JCAD: variants seen among roughly 807,000 people sequenced by gnomAD.
JCAD encodes junctional cadherin 5 associated, also known as junctional cadherin 5-associated protein.
JCAD carries 40 observed loss-of-function variants against 98.0 expected under a neutral mutation model. The ratio of observed to expected loss-of-function variants is 0.41; its 90% CI spans 0.32 to 0.53. JCAD has a LOEUF of 0.53. Among genes scored for constraint, JCAD ranks in the 20% least tolerant of loss-of-function variants. JCAD has a pLI of 0.31. For synonymous variants in JCAD, 691 were observed against 682.3 expected (o/e 1.01, Z -0.20); for missense variants, 1,705 against 1,738.1 (o/e 0.98, Z 0.34).
rs749926597 is a variant in JCAD at position 30,047,613 on chromosome 10, C to T, written c.200G>A (p.Ser67Asn). The change falls in exon 2 of 4, where the codon AGT becomes AAT. Residue 67 changes from serine to asparagine, a missense_variant. Physicochemically the swap from Ser to Asn is conservative, Grantham distance 46. Coordinates refer to ENST00000375377, the MANE Select transcript of JCAD (RefSeq NM_020848.4). ...RKTSAGKGHV[S>N]DSESRRSTPR... ...TGTGCTGCGGCGGCTTTCGGAGTCA[C>T]TCACATGTCCTTTCCCCGCGGACGT... 7 of 1,614,082 alleles carry T rather than the reference C, an allele frequency of 4.3e-6. No homozygotes were observed. In the East Asian group the frequency reaches 6.7e-5, roughly 15 times the overall value.
intron 1 of JCAD, among the ~76,000 whole-genome samples, chr10:30,088,489 C>A (rs1312621592): frequency 6.6e-6 from 1 of 152,102 alleles, no homozygotes; most frequent in Non-Finnish European, 1.5e-5. Flanking sequence ...GGTTTTAAAT[C>A]AAGTAGTTTG....
In JCAD at chr10:30,026,592, C is replaced by CT. The variant is rs1341183959; in HGVS notation, c.3555dup (p.Asp1186ArgfsTer5). 6.2e-7 allele frequency: 1 copy of CT among 1,613,900 alleles called. No individual in the cohort carries two copies. The highest frequency in any genetic ancestry group is 1.3e-5 in the African/African-American group (1 of 74,928). ...CTGGGCTCAGGCTCAGGGACAGGGT[C>CT]TGTGCTGGTGACAACCCCGTCCACA... On this transcript the variant is annotated frameshift_variant, in exon 3 of 4. Transcript: ENST00000375377. LOFTEE classifies it high-confidence loss of function.
chr10:30,041,138 T>C (rs1837235322), intron 2 of JCAD, among the ~76,000 whole-genome samples: 1 of 152,008 alleles, frequency 6.6e-6, no homozygotes, highest in African/African-American at 2.4e-5. Flanking sequence ...AAAAGCTACA[T>C]GGGGCACATG....
At chr10:30,038,180 A>AC (rs1837160333) in intron 2 of JCAD, among the ~76,000 whole-genome samples, 1 of 152,136 alleles carries the variant, frequency 6.6e-6, no homozygotes, top group Admixed American at 6.5e-5. Flanking sequence ...CACCGGCCCC[A>AC]CCCCTGGGAC....
At chr10:30,093,440 A>C (rs2132699298) in intron 1 of JCAD, among the ~76,000 whole-genome samples, 1 of 152,354 alleles carries the variant, frequency 6.6e-6, no homozygotes, top group East Asian at 1.9e-4. Flanking sequence ...ATTTCAGTGC[A>C]CATAAGCTGC....
At chr10:30,103,746 T>TC (rs1345725916) in intron 1 of JCAD, among the ~76,000 whole-genome samples, 23 of 150,614 alleles carry the variant, frequency 1.5e-4, no homozygotes, top group Admixed American at 7.9e-4. Flanking sequence ...TTTTTTTTTT[T>TC]TTTTGGACAG....
chr10:30,107,073 G>C (rs1838598446), intron 1 of JCAD, among the ~76,000 whole-genome samples: 1 of 152,150 alleles, frequency 6.6e-6, no homozygotes, highest in Admixed American at 6.5e-5. Context: ...CCCTCCCCAT[G>C]GGACTGTTGA....
At chr10:30,079,165 G>A (rs1235718344) in intron 1 of JCAD, among the ~76,000 whole-genome samples, 1 of 151,982 alleles carries the variant, frequency 6.6e-6, no homozygotes, top group Non-Finnish European at 1.5e-5. Context: ...ATGAGACCAC[G>A]GTGAAACCCC....
chr10:30,043,180 T>C (rs1364053050), intron 2 of JCAD, among the ~76,000 whole-genome samples: 1 of 152,218 alleles, frequency 6.6e-6, no homozygotes, highest in African/African-American at 2.4e-5. Flanking sequence ...CTACTTGATC[T>C]GCTAATAGTG....
In JCAD at chr10:30,042,572, A is replaced by G. The variant is rs112706268; in HGVS notation, c.281+4960T>C. 3.5e-3 allele frequency among the ~76,000 whole-genome samples: 539 copies of G among 152,286 alleles called. 1 individual carries two copies. Among genetic ancestry groups the G allele is most frequent in the Non-Finnish European group, 5.9e-3 (402 of 68,016 alleles). On this transcript the variant is annotated intron_variant, in intron 2 of 3. Transcript: ENST00000375377. ...AGCAGAAGCTGTCAGGGAAGGGAAG[A>G]GGAGCAAAACAAGTACCCGGAGACG...
At chr10:30,030,008 A>G in intron 2 of JCAD, 142 bp from the exon 3 acceptor site, 1 of 984,130 alleles carries the variant, frequency 1.0e-6, no homozygotes, top group South Asian at 1.7e-5. Context: ...CTTGAAAGAA[A>G]ACATATCCCA....
At chr10:30,086,916 C>T (rs906788983) in intron 1 of JCAD, among the ~76,000 whole-genome samples, 4 of 152,148 alleles carry the variant, frequency 2.6e-5, no homozygotes, top group African/African-American at 9.7e-5. Context: ...TTATTTATTG[C>T]TAAAGAGCTC....
At chr10:30,095,335 C>T (rs1350307675) in intron 1 of JCAD, among the ~76,000 whole-genome samples, 1 of 152,148 alleles carries the variant, frequency 6.6e-6, no homozygotes, top group Non-Finnish European at 1.5e-5. Flanking sequence ...TTGATTCTAC[C>T]CCTGGGGGAA....
At position 30,016,542 on chromosome 10, in the gene JCAD, A is replaced by G. The variant is rs1426360231; in HGVS notation, c.*1341T>C. 6.6e-6 allele frequency: 1 copy of G among 152,206 alleles called. No homozygotes were observed. Among genetic ancestry groups the G allele is most frequent in the Non-Finnish European group, 1.5e-5 (1 of 68,046 alleles). The allele number at this position is 152,206 out of a possible 1,614,324, so 9.4% of individuals were successfully genotyped here. A position where few individuals can be genotyped will look rare whatever the true frequency, so the allele number is the denominator to read the frequency against. On this transcript the variant is annotated 3_prime_UTR_variant, in exon 4 of 4. Transcript: ENST00000375377. ...TGCAGTATTAAACACAGTAGAATAC[A>G]TAGGCCTCATAATGCTTTTGTAATG...
At chr10:30,097,342 A>G (rs1313607407) in intron 1 of JCAD, among the ~76,000 whole-genome samples, 1 of 152,176 alleles carries the variant, frequency 6.6e-6, no homozygotes, top group Non-Finnish European at 1.5e-5. Context: ...ACAAAGGAGG[A>G]AATGTCAAAG....
intron 1 of JCAD, among the ~76,000 whole-genome samples, chr10:30,048,810 C>T (rs1392454153): frequency 6.6e-6 from 1 of 152,112 alleles, no homozygotes; most frequent in South Asian, 2.1e-4. Context: ...TCAGGTAATC[C>T]ACCCGCCTCT....
At chr10:30,087,211 G>C (rs1446483889) in intron 1 of JCAD, among the ~76,000 whole-genome samples, 5 of 152,178 alleles carry the variant, frequency 3.3e-5, no homozygotes, top group African/African-American at 1.2e-4. Context: ...GGGAGGCCGA[G>C]GCGGGCGGAT....
Position 30,029,634 on chromosome 10 carries a change from C to T in JCAD, c.514G>A (p.Glu172Lys). The T allele has an allele frequency of 6.2e-7, 1 of 1,614,224 alleles. No individual in the cohort carries two copies. The highest frequency in any genetic ancestry group is 8.5e-7 in the Non-Finnish European group (1 of 1,180,042). Residue 172 changes from glutamate (E) to lysine (K), a missense_variant, in exon 3 of 4, where the codon GAA becomes AAA. Glu to Lys is a moderately conservative substitution (Grantham distance 56). Transcript: ENST00000375377. ...HVMKKPVWEE[E>K]LRMSGPAKWQ... Reference sequence around the variant, plus strand: ...TTGGCAGGACCTGACATTCGCAATTCTTCTTCCCAAACTGGCTTCTTCATC... The same window carrying T: ...TTGGCAGGACCTGACATTCGCAATTTTTCTTCCCAAACTGGCTTCTTCATC...
At position 30,059,154 on chromosome 10, in the gene JCAD, C is replaced by T. The variant is rs930374912; in HGVS notation, c.-60+328G>A. Among the ~76,000 whole-genome samples, 57 of 151,756 alleles carry T rather than the reference C, an allele frequency of 3.8e-4. No homozygotes were observed. Among genetic ancestry groups the T allele is most frequent in the African/African-American group, 1.4e-3 (57 of 41,362 alleles). On this transcript the variant is annotated intron_variant, in intron 1 of 3. Coordinates refer to ENST00000375377, the MANE Select transcript of JCAD (RefSeq NM_020848.4). The surrounding 1 kb of genome is among the most constrained non-coding windows in gnomAD (Gnocchi z 5.0). Reference sequence around the variant, plus strand: ...GCCCTCCGCGCGCCGAGGGGCGACGCGAGCGCTAACGCCAGCCGCGGCCCG... The same window carrying T: ...GCCCTCCGCGCGCCGAGGGGCGACGTGAGCGCTAACGCCAGCCGCGGCCCG...
Sources: allele counts gnomAD v4.1 joint callset (sites outside exome capture counted in the v4.1 genomes callset), GRCh38; gene constraint gnomAD v4.1.1; non-coding constraint Gnocchi (gnomAD v3.1); transcripts MANE v1.5; gene names NCBI Gene and HGNC (gene_info 2026-07-23, HGNC 2026-07-21).